PLCG2: variants seen among roughly 807,000 people sequenced by gnomAD.
PLCG2 encodes the protein 1-phosphatidylinositol 4,5-bisphosphate phosphodiesterase gamma-2.
In PLCG2, 69 loss-of-function variants were observed where a neutral mutation model predicts 175.6. The observed-to-expected ratio is 0.39, with a 90% CI of 0.32 to 0.48. The LOEUF (loss-of-function observed/expected upper bound fraction) is 0.48, where lower values mean the gene tolerates loss of function less well. Among genes scored for constraint, PLCG2 ranks in the 20% least tolerant of loss-of-function variants. The pLI, the probability that PLCG2 is intolerant of heterozygous loss-of-function variation, is 0.91. For synonymous variants in PLCG2, 827 were observed against 624.0 expected (o/e 1.33, Z -4.85); for missense variants, 1,798 against 1,650.9 (o/e 1.09, Z -1.54).
At chr16:81,902,348 C>T (rs78136311) in intron 14 of PLCG2, among the ~76,000 whole-genome samples, 1 of 152,204 alleles carries the variant, frequency 6.6e-6, no homozygotes, top group East Asian at 1.9e-4. Flanking sequence ...ACTGATTTCT[C>T]ACGGTTCTGG....
rs756862079 is a variant in PLCG2, at chr16:81,895,889, C to G, written c.1155C>G (p.Val385=). Residue 385 remains valine, a synonymous_variant, in exon 13 of 33, where the codon GTC becomes GTG. Transcript: ENST00000564138. ...TRTTKIKFDD[V]VQAIKDHAFV... Reference sequence around the variant, plus strand: ...CTACCAAGATCAAGTTTGACGACGTCGTGCAGGCCATCAAAGACCACGCCT... The same window carrying G: ...CTACCAAGATCAAGTTTGACGACGTGGTGCAGGCCATCAAAGACCACGCCT... 28 of 1,613,956 alleles carry G rather than the reference C, an allele frequency of 1.7e-5. No individual in the cohort carries two copies. The highest frequency in any genetic ancestry group is 5.1e-6 in the Non-Finnish European group (6 of 1,180,002).
chr16:81,807,260 C>T (rs546984792), intron 2 of PLCG2, among the ~76,000 whole-genome samples: 206 of 152,110 alleles, frequency 1.4e-3, no homozygotes, highest in Non-Finnish European at 2.7e-3. Context: ...AGCTCTGGGA[C>T]CCAAGAAAGG....
intron 8 of PLCG2, 31 bp from the exon 9 acceptor site, chr16:81,883,238 C>T (rs1300325614): frequency 1.2e-6 from 2 of 1,602,892 alleles, no homozygotes; most frequent in East Asian, 2.2e-5. Flanking sequence ...ATGTGTCTGT[C>T]TCTAACTGCA....
chr16:81,802,759 C>A (rs529390330), intron 2 of PLCG2, among the ~76,000 whole-genome samples: 1 of 152,052 alleles, frequency 6.6e-6, no homozygotes, highest in African/African-American at 2.4e-5. Context: ...TTAGTAGGGA[C>A]GGCATTTCAT....
chr16:81,848,468 C>T (rs540898014), intron 2 of PLCG2, among the ~76,000 whole-genome samples: 2 of 152,236 alleles, frequency 1.3e-5, no homozygotes, highest in South Asian at 4.2e-4. Flanking sequence ...TTCTTTCTTA[C>T]CATGCTCTGT....
intron 2 of PLCG2, among the ~76,000 whole-genome samples, chr16:81,771,536 C>G (rs975492379): frequency 2.0e-5 from 3 of 152,144 alleles, no homozygotes; most frequent in Admixed American, 6.6e-5. Flanking sequence ...AGGATTAGCC[C>G]TTGCCTGATT....
intron 9 of PLCG2, among the ~76,000 whole-genome samples, chr16:81,887,409 A>G (rs1908424884): frequency 6.6e-6 from 1 of 152,116 alleles, no homozygotes; most frequent in Non-Finnish European, 1.5e-5. Flanking sequence ...ATGAGCCACC[A>G]CGCCCGGCCT....
At chr16:81,753,086 C>G (rs1909844772) in intron 1 of PLCG2, among the ~76,000 whole-genome samples, 1 of 152,230 alleles carries the variant, frequency 6.6e-6, no homozygotes. Context: ...GGGTGCCCCA[C>G]CAGCTTCTGC....
At chr16:81,863,165 C>T (rs924665337) in intron 5 of PLCG2, among the ~76,000 whole-genome samples, 1 of 152,194 alleles carries the variant, frequency 6.6e-6, no homozygotes, top group Non-Finnish European at 1.5e-5. Context: ...TTTATCATCT[C>T]AAACTGAGGC....
At chr16:81,740,895 C>T (rs1034713627) in intron 1 of PLCG2, among the ~76,000 whole-genome samples, 2 of 152,088 alleles carry the variant, frequency 1.3e-5, no homozygotes, top group Non-Finnish European at 2.9e-5. Context: ...CTCTTGAGTC[C>T]CTGGATTCAC....
intron 2 of PLCG2, among the ~76,000 whole-genome samples, chr16:81,790,556 C>T (rs113847096): frequency 1.3e-5 from 2 of 152,162 alleles, no homozygotes; most frequent in Non-Finnish European, 2.9e-5. Flanking sequence ...GCAATTTCCT[C>T]ACGGGGTTCT....
At chr16:81,786,568 G>A (rs1330038898) in intron 2 of PLCG2, among the ~76,000 whole-genome samples, 3 of 152,160 alleles carry the variant, frequency 2.0e-5, no homozygotes, top group South Asian at 2.1e-4. Context: ...TAGCTTGGTC[G>A]CCAAATGCTA....
At position 81,880,827 on chromosome 16, in the gene PLCG2, T is replaced by A. The variant is rs1338616440; in HGVS notation, c.649-83T>A. 3.2e-5 allele frequency: 42 copies of A among 1,326,536 alleles called. No individual in the cohort carries two copies. The South Asian group carries it at 3.3e-4, about 10-fold the overall frequency. The allele number at this position is 1,326,536 out of a possible 1,614,324, so 82.2% of individuals were successfully genotyped here. A position where few individuals can be genotyped will look rare whatever the true frequency, so the allele number is the denominator to read the frequency against. On this transcript the variant is annotated intron_variant, in intron 7 of 32. Transcript: ENST00000564138. ...CTTGTTGCATCTGACAAAATGATGC[T>A]TTTTTAACAACAAAAATCTTTCCGT...
chr16:81,793,763 C>G (rs1472583752), intron 2 of PLCG2, among the ~76,000 whole-genome samples: 1 of 152,148 alleles, frequency 6.6e-6, no homozygotes, highest in Non-Finnish European at 1.5e-5. Flanking sequence ...AAAGATAACT[C>G]CTTAATCCCC....
intron 12 of PLCG2, among the ~76,000 whole-genome samples, chr16:81,894,009 C>T (rs138982257): frequency 1.4e-5 from 2 of 142,730 alleles, no homozygotes; most frequent in African/African-American, 5.3e-5. Flanking sequence ...TGTATCTCCT[C>T]AGCTTCCTCC....
intron 2 of PLCG2, chr16:81,767,507 C>T (rs1253900222): frequency 2.6e-5 from 4 of 152,200 alleles, no homozygotes; most frequent in Non-Finnish European, 4.4e-5. Flanking sequence ...TCCAGGAAGC[C>T]TTCCCAACCT....
intron 2 of PLCG2, among the ~76,000 whole-genome samples, chr16:81,853,702 T>G (rs1272172531): frequency 6.6e-6 from 1 of 152,164 alleles, no homozygotes; most frequent in African/African-American, 2.4e-5. Context: ...ATCCCTGATT[T>G]ATACTACATT....
intron 17 of PLCG2, among the ~76,000 whole-genome samples, chr16:81,910,004 A>ATGGGG (rs1440783370): frequency 2.6e-5 from 1 of 37,846 alleles, no homozygotes; most frequent in Non-Finnish European, 5.2e-5. Context: ...TAAAAGGGGG[A>ATGGGG]TGGGGTGGGG....
At chr16:81,749,442 T>A (rs1194073635) in intron 1 of PLCG2, among the ~76,000 whole-genome samples, 2 of 152,138 alleles carry the variant, frequency 1.3e-5, no homozygotes, top group African/African-American at 4.8e-5. Context: ...AACCTCTGCC[T>A]CCTGGGTTCA....
Sources: gnomAD v4.1 joint callset for allele counts (sites outside exome capture counted in the v4.1 genomes callset) on GRCh38, gnomAD v4.1.1 for gene constraint, MANE v1.5 for transcripts, NCBI Gene and HGNC (gene_info 2026-07-23, HGNC 2026-07-21) for gene names.